PCSK5: variants seen among roughly 807,000 people sequenced by gnomAD.
The protein encoded by PCSK5 is prohormone convertase 5.
A neutral mutation model predicts 233.2 loss-of-function variants in PCSK5; 129 were observed. That is an observed-to-expected ratio of 0.55 (90% CI 0.48 to 0.64). The LOEUF (loss-of-function observed/expected upper bound fraction) is 0.64. PCSK5 is among the 30% of genes least tolerant of loss of function. The probability of loss-of-function intolerance (pLI) is 0.00; values close to 1 mark genes in which losing one functional copy is unlikely to be tolerated. For synonymous variants in PCSK5, 825 were observed against 879.2 expected (o/e 0.94, Z 1.09); for missense variants, 2,076 against 2,430.1 (o/e 0.85, Z 3.06).
At chr9:75,933,943 A>G (rs1823931815) in intron 2 of PCSK5, among the ~76,000 whole-genome samples, 1 of 152,216 alleles carries the variant, frequency 6.6e-6, no homozygotes, top group Non-Finnish European at 1.5e-5. Context: ...AAAACCAAGT[A>G]CTAGTGGTTT....
At chr9:75,987,658 A>AG (rs1336301028) in intron 3 of PCSK5, among the ~76,000 whole-genome samples, 1 of 152,016 alleles carries the variant, frequency 6.6e-6, no homozygotes, top group Non-Finnish European at 1.5e-5. Flanking sequence ...AAGGGGAAAA[A>AG]GGGAGGAATC....
intron 3 of PCSK5, among the ~76,000 whole-genome samples, chr9:75,991,904 C>T (rs985218895): frequency 8.6e-5 from 13 of 151,814 alleles, no homozygotes; most frequent in African/African-American, 2.2e-4. Context: ...GGCAACATAG[C>T]GAGATCCCCT....
intron 24 of PCSK5, among the ~76,000 whole-genome samples, chr9:76,291,907 C>T (rs1182335536): frequency 6.6e-6 from 1 of 152,128 alleles, no homozygotes; most frequent in African/African-American, 2.4e-5. Context: ...TGGTTGATCC[C>T]TCTATCTCAG....
At chr9:76,028,005 A>G (rs1242189341) in intron 5 of PCSK5, among the ~76,000 whole-genome samples, 2 of 152,226 alleles carry the variant, frequency 1.3e-5, no homozygotes, top group African/African-American at 4.8e-5. Flanking sequence ...AGATAAAACC[A>G]TATGACCTAG....
At chr9:76,339,209 A>G (rs533160606) in intron 35 of PCSK5, among the ~76,000 whole-genome samples, 1 of 152,260 alleles carries the variant, frequency 6.6e-6, no homozygotes, top group Non-Finnish European at 1.5e-5. Flanking sequence ...AGCACCATGA[A>G]TGCTTCTCAA....
In PCSK5 at chr9:76,040,375, C is replaced by CTG. The variant is rs1829056679; in HGVS notation, c.632+13339_632+13340insGT. Among the ~76,000 whole-genome samples, 10 of 66,004 alleles carry CTG rather than the reference C, an allele frequency of 1.5e-4. No homozygotes were observed. The East Asian group carries it at 1.7e-3, about 11-fold the overall frequency. The allele number at this position is 66,004 out of a possible 152,430, so 43.3% of individuals were successfully genotyped here. The stretch of plus-strand genomic sequence containing the variant: ...TCTCTCTCTCTCTCTCTCTCTCTCT[C>CTG]TCTCTCTCTGTCTCTCTCTCTCTCT... On this transcript the variant is annotated intron_variant, in intron 5 of 37. Coordinates refer to ENST00000674117, the MANE Select transcript of PCSK5 (RefSeq NM_001372043.1).
chr9:76,077,297 CA>C (rs922692908), intron 7 of PCSK5, among the ~76,000 whole-genome samples: 4 of 152,058 alleles, frequency 2.6e-5, no homozygotes, highest in African/African-American at 9.7e-5. Flanking sequence ...AGTTCTGCCT[CA>C]AAAAAATTGT....
intron 20 of PCSK5, among the ~76,000 whole-genome samples, chr9:76,197,516 A>G (rs1454598019): frequency 4.6e-5 from 7 of 152,346 alleles, no homozygotes; most frequent in African/African-American, 1.4e-4. Flanking sequence ...AAATAAATAC[A>G]TAACATCTTA....
At chr9:76,144,601 G>A (rs1316904016) in intron 10 of PCSK5, among the ~76,000 whole-genome samples, 1 of 152,176 alleles carries the variant, frequency 6.6e-6, no homozygotes, top group African/African-American at 2.4e-5. Context: ...TCCACCTTAA[G>A]GAAAGAGGTA....
chr9:75,939,793 A>G (rs1031021964), intron 2 of PCSK5, among the ~76,000 whole-genome samples: 14 of 152,122 alleles, frequency 9.2e-5, no homozygotes, highest in African/African-American at 2.4e-4. Flanking sequence ...TAGCCTATCA[A>G]TCTTTTATCT....
At chr9:75,908,778 T>G (rs1383509004) in intron 1 of PCSK5, among the ~76,000 whole-genome samples, 3 of 152,074 alleles carry the variant, frequency 2.0e-5, no homozygotes, top group African/African-American at 7.2e-5. Context: ...CTTGTATGCT[T>G]CTTTTTATTG....
chr9:76,263,466 G>A lies in PCSK5; in HGVS notation c.3142+22782G>A, dbSNP rs528280521. 3.2e-4 allele frequency among the ~76,000 whole-genome samples: 48 copies of A among 152,160 alleles called. No individual in the cohort carries two copies. The East Asian group carries it at 6.8e-3, about 21-fold the overall frequency. ...TAAAGCCATAAAAAATGACGAGTTC[G>A]TGTCCTTTGTAGGGACATGGATGAA... On this transcript the variant is annotated intron_variant, in intron 24 of 37. Coordinates refer to ENST00000674117, the MANE Select transcript of PCSK5 (RefSeq NM_001372043.1).
chr9:75,976,102 TTAAA>T (rs1826001746), intron 2 of PCSK5, among the ~76,000 whole-genome samples: 1 of 152,164 alleles, frequency 6.6e-6, no homozygotes, highest in African/African-American at 2.4e-5. Context: ...CTCTTATTGA[TTAAA>T]TGAGATGTCC....
At chr9:76,271,756 G>T (rs1446256375) in intron 24 of PCSK5, among the ~76,000 whole-genome samples, 1 of 152,168 alleles carries the variant, frequency 6.6e-6, no homozygotes, top group South Asian at 2.1e-4. Flanking sequence ...CCAAAATCAA[G>T]GAATTGGCAA....
intron 36 of PCSK5, among the ~76,000 whole-genome samples, chr9:76,351,529 A>AAAGAAAGAAAGG (rs1554724839): frequency 6.4e-5 from 7 of 108,698 alleles, no homozygotes; most frequent in African/African-American, 2.3e-4. Context: ...AGAAAGAAAG[A>AAAGAAAGAAAGG]AAGGAAGGAA....
chr9:75,934,527 G>A (rs1468676687), intron 2 of PCSK5, among the ~76,000 whole-genome samples: 1 of 151,520 alleles, frequency 6.6e-6, no homozygotes, highest in South Asian at 2.1e-4. Flanking sequence ...GCTTCTCAGT[G>A]TTGGGGGTTG....
chr9:75,891,304 CA>C lies in PCSK5; in HGVS notation c.127del (p.Ile43SerfsTer20). 1.3e-6 allele frequency: 2 copies of C among 1,558,116 alleles called. No homozygotes were observed. Among genetic ancestry groups the C allele is most frequent in the Admixed American group, 4.0e-5 (2 of 49,800 alleles). ...TRVYTNHWAV[K>X]IAGGFPEANR... is the part of the protein sequence containing the mutation. ...GCGTCTACACCAACCACTGGGCAGT[CA>C]AAATCGCCGGGGGCTTCCCGGAGGC... On this transcript the variant is annotated frameshift_variant, in exon 1 of 38. Transcript: ENST00000674117. LOFTEE classifies it high-confidence loss of function.
intron 2 of PCSK5, among the ~76,000 whole-genome samples, chr9:75,969,128 T>C (rs1216219000): frequency 6.6e-6 from 1 of 152,152 alleles, no homozygotes; most frequent in Non-Finnish European, 1.5e-5. Context: ...GAAAAAGTAG[T>C]TAGAAAATTG....
At chr9:75,893,206 C>T (rs1200143350) in intron 1 of PCSK5, among the ~76,000 whole-genome samples, 1 of 152,122 alleles carries the variant, frequency 6.6e-6, no homozygotes, top group Non-Finnish European at 1.5e-5. Context: ...AATTCTTGAA[C>T]ATACCCTTCT....
Sources: gnomAD v4.1 joint callset for allele counts (sites outside exome capture counted in the v4.1 genomes callset) on GRCh38, gnomAD v4.1.1 for gene constraint, MANE v1.5 for transcripts, NCBI Gene and HGNC (gene_info 2026-07-23, HGNC 2026-07-21) for gene names.